Variants in PCDHGA6 observed in about 807,000 individuals in gnomAD.
The protein encoded by PCDHGA6 is protocadherin gamma-A6.
PCDHGA6 carries 41 observed loss-of-function variants against 60.6 expected under a neutral mutation model. The observed-to-expected ratio is 0.68, with a 90% CI of 0.53 to 0.88. PCDHGA6 has a LOEUF of 0.88. Ranked by LOEUF, PCDHGA6 falls within the 40% of genes least tolerant of loss-of-function variation. The probability of loss-of-function intolerance (pLI) is 0.00; values close to 1 mark genes in which losing one functional copy is unlikely to be tolerated. For synonymous variants in PCDHGA6, 594 were observed against 524.4 expected, an observed-to-expected ratio of 1.13 and a Z score of -1.81; for missense variants, 1,312 against 1,203.0, an observed-to-expected ratio of 1.09 and a Z score of -1.34.
At chr5:141,435,050 C>A (rs2154556494) in intron 1 of PCDHGA6, among the ~76,000 whole-genome samples, 1 of 151,994 alleles carries the variant, frequency 6.6e-6, no homozygotes, top group East Asian at 1.9e-4. Flanking sequence ...TCCCATTGAC[C>A]ATGCAGCAGT....
chr5:141,399,685 C>G (rs1344845350), intron 1 of PCDHGA6: 1 of 1,613,532 alleles, frequency 6.2e-7, no homozygotes, highest in African/African-American at 1.3e-5. Context: ...TGACTACGAG[C>G]AGCTGCGCAC....
Position 141,490,711 on chromosome 5 carries a change from T to C in PCDHGA6, c.2425-4096T>C. ...CACTGGGGATAATGCCCGCCTCACC[T>C]ACTCCATTGTAGGAAATCAGGTTCA... On this transcript the variant is annotated intron_variant, in intron 1 of 3. Transcript: ENST00000517434. The surrounding 1 kb of genome is among the most constrained non-coding windows in gnomAD (Gnocchi z 5.4). The C allele has an allele frequency of 6.2e-7, 1 of 1,614,200 alleles. No individual in the cohort carries two copies. Among genetic ancestry groups the C allele is most frequent in the Non-Finnish European group, 8.5e-7 (1 of 1,180,002 alleles).
At position 141,478,749 on chromosome 5, in the gene PCDHGA6, G is replaced by A. The variant is rs1306895064; in HGVS notation, c.2425-16058G>A. On this transcript the variant is annotated intron_variant, in intron 1 of 3. Coordinates refer to ENST00000517434, the MANE Select transcript of PCDHGA6 (RefSeq NM_018919.3). ...GAGTGTGGTTTGTGGTCCCATTTCA[G>A]GGGGAAGATACTTGACTCATCTGTG... The A allele has an allele frequency of 3.3e-6, 5 of 1,524,326 alleles. No homozygotes were observed. The South Asian group carries it at 6.4e-5, about 19-fold the overall frequency. The allele number at this position is 1,524,326 out of a possible 1,614,324, so 94.4% of individuals were successfully genotyped here.
rs775037681 is a variant in PCDHGA6 at position 141,388,812 on chromosome 5, G to T, written c.2424+12305G>T. On this transcript the variant is annotated intron_variant, in intron 1 of 3. Transcript: ENST00000517434. Reference sequence around the variant, plus strand: ...TTTAAATACATTAGATTTTGAAGAAGTCAAAGAATATTCCATAGTTTTGGA... The same window carrying T: ...TTTAAATACATTAGATTTTGAAGAATTCAAAGAATATTCCATAGTTTTGGA... 2.1e-5 allele frequency: 34 copies of T among 1,613,816 alleles called. No homozygotes were observed. Among genetic ancestry groups the T allele is most frequent in the Non-Finnish European group, 2.8e-5 (33 of 1,179,866 alleles).
rs553104661 is a variant in PCDHGA6 at position 141,460,009 on chromosome 5, C to T, written c.2425-34798C>T. ...AGGAGAATCGCTTGAACCCAGGAGG[C>T]GGAGGTTGCAGTGAGCCGAGACTGC... On this transcript the variant is annotated intron_variant, in intron 1 of 3. Coordinates refer to ENST00000517434, the MANE Select transcript of PCDHGA6 (RefSeq NM_018919.3). 9.9e-4 allele frequency among the ~76,000 whole-genome samples: 150 copies of T among 152,212 alleles called. 1 individual carries two copies. The highest frequency in any genetic ancestry group is 3.4e-3 in the Middle Eastern group (1 of 294).
chr5:141,487,377 C>G lies in PCDHGA6; in HGVS notation c.2425-7430C>G, dbSNP rs758216933. On this transcript the variant is annotated intron_variant, in intron 1 of 3. Coordinates refer to ENST00000517434, the MANE Select transcript of PCDHGA6 (RefSeq NM_018919.3). This position sits in a 1 kb window ranked among gnomAD's most constrained non-coding sequence, Gnocchi z 5.0. ...CCTGCTGGCACCTGTGCCTGTCTCA[C>G]CAGATCTCGAAGGAGGGAGGGGCTT... 6.2e-7 allele frequency: 1 copy of G among 1,614,190 alleles called. No individual in the cohort carries two copies. The highest frequency in any genetic ancestry group is 1.1e-5 in the South Asian group (1 of 91,086).
chr5:141,472,364 AC>A (rs2099278314), intron 1 of PCDHGA6, among the ~76,000 whole-genome samples: 1 of 151,866 alleles, frequency 6.6e-6, no homozygotes, highest in Non-Finnish European at 1.5e-5. Flanking sequence ...ACACGGTGAA[AC>A]CCCGTCTCCA....
At chr5:141,428,141 G>C (rs1314061143) in intron 1 of PCDHGA6, 2 of 1,596,500 alleles carry the variant, frequency 1.3e-6, no homozygotes, top group African/African-American at 2.7e-5. Context: ...GCCTGGGGCT[G>C]CACACGGGAA....
At chr5:141,503,598 C>CTAA (rs2099824827) in intron 2 of PCDHGA6, among the ~76,000 whole-genome samples, 2 of 65,752 alleles carry the variant, frequency 3.0e-5, no homozygotes, top group African/African-American at 9.3e-5. Flanking sequence ...GACTCCAGCT[C>CTAA]AAAAAAAAAA....
chr5:141,481,030 C>A (rs1277171839), intron 1 of PCDHGA6, among the ~76,000 whole-genome samples: 1 of 152,024 alleles, frequency 6.6e-6, no homozygotes, highest in African/African-American at 2.4e-5. Context: ...TGCACTCCAG[C>A]CTGGGCGACA....
intron 1 of PCDHGA6, chr5:141,399,822 C>T (rs755182775): frequency 1.2e-6 from 2 of 1,613,084 alleles, no homozygotes; most frequent in Admixed American, 3.3e-5. Context: ...CGCTGGGTCC[C>T]GACGGCTCTG....
rs570379716 is a variant in PCDHGA6 at position 141,452,090 on chromosome 5, G to A, written c.2425-42717G>A. Among the ~76,000 whole-genome samples, 3 of 152,256 alleles carry A rather than the reference G, an allele frequency of 2.0e-5. No individual in the cohort carries two copies. The South Asian group carries it at 6.2e-4, about 32-fold the overall frequency. On this transcript the variant is annotated intron_variant, in intron 1 of 3. Coordinates refer to ENST00000517434, the MANE Select transcript of PCDHGA6 (RefSeq NM_018919.3). The stretch of plus-strand genomic sequence containing the variant: ...TTTATTAGTTGGCATTATACAGTAA[G>A]AAAGAGCTTTCTTTTCTCTTCTTAT...
chr5:141,457,997 G>A (rs2098934533), intron 1 of PCDHGA6, among the ~76,000 whole-genome samples: 1 of 152,152 alleles, frequency 6.6e-6, no homozygotes, highest in Non-Finnish European at 1.5e-5. Context: ...TAAAGCCTTG[G>A]CAAAATAACC....
intron 1 of PCDHGA6, among the ~76,000 whole-genome samples, chr5:141,433,534 C>T (rs2097618995): frequency 6.6e-6 from 1 of 152,088 alleles, no homozygotes; most frequent in Admixed American, 6.5e-5. Context: ...GTGCCCCGCC[C>T]TTATCAGATA....
intron 1 of PCDHGA6, chr5:141,415,483 A>G: frequency 6.2e-7 from 1 of 1,614,212 alleles, no homozygotes; most frequent in South Asian, 1.1e-5. Context: ...CTCGCGAAAG[A>G]GTCACCTGAT....
At position 141,491,039 on chromosome 5, in the gene PCDHGA6, G is replaced by T; in HGVS notation, c.2425-3768G>T. 1 of 1,614,180 alleles carries T rather than the reference G, an allele frequency of 6.2e-7. No individual in the cohort carries two copies. The highest frequency in any genetic ancestry group is 1.1e-5 in the South Asian group (1 of 91,090). ...GTGACAGCCGTGGATGCTGATGCAGGCCACAATGCGTGGCTCTCCTACTCA... is the reference window on the plus strand; with the variant it reads ...GTGACAGCCGTGGATGCTGATGCAGTCCACAATGCGTGGCTCTCCTACTCA... On this transcript the variant is annotated intron_variant, in intron 1 of 3. Transcript: ENST00000517434. The surrounding 1 kb of genome is among the most constrained non-coding windows in gnomAD (Gnocchi z 6.9).
At chr5:141,505,347 T>C in intron 2 of PCDHGA6, 46 bp from the exon 3 acceptor site, 4 of 1,613,346 alleles carry the variant, frequency 2.5e-6, no homozygotes, top group Non-Finnish European at 2.5e-6. Context: ...GGGCATGAGC[T>C]GTGCCGGCCT....
intron 1 of PCDHGA6, chr5:141,388,609 TCA>T: frequency 6.2e-7 from 1 of 1,613,926 alleles, no homozygotes; most frequent in Non-Finnish European, 8.5e-7. Flanking sequence ...GCTCCAGTGT[TCA>T]GTCAAGACGT....
Position 141,485,785 on chromosome 5 carries a change from G to C in PCDHGA6, c.2425-9022G>C. ...TGGAGAAGCCTTTGGATCGAGAGAAGCAATCGGACTACCGCCTGGTGCTGA... is the reference window on the plus strand; with the variant it reads ...TGGAGAAGCCTTTGGATCGAGAGAACCAATCGGACTACCGCCTGGTGCTGA... On this transcript the variant is annotated intron_variant, in intron 1 of 3. Coordinates refer to ENST00000517434, the MANE Select transcript of PCDHGA6 (RefSeq NM_018919.3). The surrounding 1 kb of genome is among the most constrained non-coding windows in gnomAD (Gnocchi z 5.7). The C allele has an allele frequency of 1.2e-6, 2 of 1,614,214 alleles. No individual in the cohort carries two copies. The highest frequency in any genetic ancestry group is 1.7e-6 in the Non-Finnish European group (2 of 1,180,030).
Sources: allele counts gnomAD v4.1 joint callset (sites outside exome capture counted in the v4.1 genomes callset), GRCh38; gene constraint gnomAD v4.1.1; non-coding constraint Gnocchi (gnomAD v3.1); transcripts MANE v1.5; gene names NCBI Gene and HGNC (gene_info 2026-07-23, HGNC 2026-07-21).